Variants in GRM3 observed in about 807,000 individuals in gnomAD.
GRM3 encodes the protein glutamate metabotropic receptor 3, also known as metabotropic glutamate receptor 3.
Under a neutral mutation model 70.5 loss-of-function variants are expected in GRM3, and 26 were observed. That is an observed-to-expected ratio of 0.37 (90% CI 0.27 to 0.51). The LOEUF is 0.51. Ranked by LOEUF, GRM3 falls within the 20% of genes least tolerant of loss-of-function variation. The pLI is 0.93. For synonymous variants in GRM3, 443 were observed against 434.9 expected (o/e 1.02, Z -0.23); for missense variants, 859 against 1,123.8 (o/e 0.76, Z 3.37).
At chr7:86,735,187 T>C (rs1186235970) in intron 1 of GRM3, among the ~76,000 whole-genome samples, 1 of 152,158 alleles carries the variant, frequency 6.6e-6, no homozygotes, top group Admixed American at 6.5e-5. Flanking sequence ...GATGACAGGA[T>C]CTTCTTTGCT....
At chr7:86,754,980 T>A (rs943602213) in intron 1 of GRM3, among the ~76,000 whole-genome samples, 6 of 152,156 alleles carry the variant, frequency 3.9e-5, no homozygotes, top group African/African-American at 1.2e-4. Flanking sequence ...AGAGAGAGGA[T>A]GTTTTCCTCC....
Position 86,786,595 on chromosome 7 carries a change from A to G in GRM3, c.803A>G (p.Asn268Ser), listed in dbSNP as rs762983665. The G allele has an allele frequency of 6.8e-6, 11 of 1,613,718 alleles. No individual in the cohort carries two copies. Among genetic ancestry groups the G allele is most frequent in the South Asian group, 1.1e-5 (1 of 91,092 alleles). Reference protein sequence around the residue: ...SVIRELLQKPNARVVVLFMRS... With the variant: ...SVIRELLQKPSARVVVLFMRS... Reference sequence around the variant, plus strand: ...ATCCGAGAACTGTTGCAGAAGCCCAACGCGCGCGTCGTGGTCCTCTTCATG... The same window carrying G: ...ATCCGAGAACTGTTGCAGAAGCCCAGCGCGCGCGTCGTGGTCCTCTTCATG... Residue 268 changes from asparagine to serine, a missense_variant, in exon 3 of 6, where the codon AAC (asparagine) becomes AGC (serine). Asn to Ser is a conservative substitution (Grantham distance 46). Coordinates refer to ENST00000361669, the MANE Select transcript of GRM3 (RefSeq NM_000840.3). This position sits in a 1 kb window ranked among gnomAD's most constrained non-coding sequence, Gnocchi z 6.0.
chr7:86,807,385 T>G (rs1475230845), intron 3 of GRM3, among the ~76,000 whole-genome samples: 1 of 144,052 alleles, frequency 6.9e-6, no homozygotes, highest in African/African-American at 2.7e-5. Flanking sequence ...GAGCATGGAA[T>G]GTTCTTCCAT....
At chr7:86,766,839 A>G (rs1269560275) in intron 2 of GRM3, among the ~76,000 whole-genome samples, 3 of 152,166 alleles carry the variant, frequency 2.0e-5, no homozygotes, top group Non-Finnish European at 4.4e-5. Flanking sequence ...TTGTCTTTTT[A>G]TGTCATGAAC....
intron 1 of GRM3, among the ~76,000 whole-genome samples, chr7:86,764,297 C>G (rs951824232): frequency 6.6e-6 from 1 of 152,026 alleles, no homozygotes; most frequent in Admixed American, 6.6e-5. Context: ...AGCATGATAA[C>G]AGAAACCTAG....
At chr7:86,737,072 C>A (rs1046656152) in intron 1 of GRM3, among the ~76,000 whole-genome samples, 1 of 151,784 alleles carries the variant, frequency 6.6e-6, no homozygotes, top group Non-Finnish European at 1.5e-5. Context: ...TTGGTATGAT[C>A]GCTTTATAAA....
intron 1 of GRM3, among the ~76,000 whole-genome samples, chr7:86,705,891 T>G (rs376651528): frequency 6.6e-6 from 1 of 152,198 alleles, no homozygotes; most frequent in East Asian, 1.9e-4. Flanking sequence ...AGCAAGATTA[T>G]GCTGATGAAG....
chr7:86,758,687 G>A (rs1796406533), intron 1 of GRM3, among the ~76,000 whole-genome samples: 1 of 152,094 alleles, frequency 6.6e-6, no homozygotes, highest in African/African-American at 2.4e-5. Context: ...CCAAAGTTTA[G>A]GACAATCTGT....
intron 5 of GRM3, among the ~76,000 whole-genome samples, chr7:86,860,778 G>C (rs571517690): frequency 7.9e-5 from 12 of 152,242 alleles, no homozygotes; most frequent in African/African-American, 2.6e-4. Flanking sequence ...TGCAGACTCT[G>C]TCCTCCTTAC....
chr7:86,651,353 T>C (rs1027414176), intron 1 of GRM3, among the ~76,000 whole-genome samples: 8 of 152,166 alleles, frequency 5.3e-5, no homozygotes, highest in African/African-American at 1.7e-4. Flanking sequence ...CTTTTGATTG[T>C]TAATAATAGA....
At chr7:86,749,889 GGGA>G (rs1290187487) in intron 1 of GRM3, among the ~76,000 whole-genome samples, 5 of 151,968 alleles carry the variant, frequency 3.3e-5, no homozygotes, top group Non-Finnish European at 5.9e-5. Context: ...GTCAAAAACT[GGGA>G]ATCAGATAAT....
At chr7:86,760,552 G>C (rs945778561) in intron 1 of GRM3, among the ~76,000 whole-genome samples, 10 of 152,168 alleles carry the variant, frequency 6.6e-5, no homozygotes, top group African/African-American at 2.4e-4. Context: ...AAAAGAACCG[G>C]AAAAGAGGTG....
At chr7:86,665,301 T>G (rs974151131) in intron 1 of GRM3, among the ~76,000 whole-genome samples, 2 of 152,036 alleles carry the variant, frequency 1.3e-5, no homozygotes, top group African/African-American at 4.8e-5. Context: ...TTCTCCAGAC[T>G]TCAATATACT....
At chr7:86,718,605 A>G (rs1795378848) in intron 1 of GRM3, among the ~76,000 whole-genome samples, 1 of 151,986 alleles carries the variant, frequency 6.6e-6, no homozygotes, top group Non-Finnish European at 1.5e-5. Context: ...TTGTTTCAAC[A>G]TTCTCTCACA....
intron 3 of GRM3, among the ~76,000 whole-genome samples, chr7:86,826,075 A>C (rs1480607975): frequency 6.6e-6 from 1 of 152,194 alleles, no homozygotes; most frequent in African/African-American, 2.4e-5. Flanking sequence ...GCCCCTTTTT[A>C]AGACATTTTA....
At chr7:86,701,814 A>G (rs1444300327) in intron 1 of GRM3, among the ~76,000 whole-genome samples, 1 of 151,986 alleles carries the variant, frequency 6.6e-6, no homozygotes, top group Non-Finnish European at 1.5e-5. Flanking sequence ...CTGAATTTGC[A>G]AGTATCATTC....
intron 1 of GRM3, among the ~76,000 whole-genome samples, chr7:86,735,035 C>G (rs1212586685): frequency 3.3e-5 from 5 of 152,126 alleles, no homozygotes; most frequent in Non-Finnish European, 1.5e-5. Context: ...ATAAATGGAG[C>G]AAGGAGAATA....
intron 1 of GRM3, among the ~76,000 whole-genome samples, chr7:86,713,786 T>A (rs1273602291): frequency 6.6e-6 from 1 of 151,984 alleles, no homozygotes; most frequent in Non-Finnish European, 1.5e-5. Flanking sequence ...GTCCAGATAT[T>A]GAATTATTGA....
chr7:86,713,262 C>T (rs1421583529), intron 1 of GRM3, among the ~76,000 whole-genome samples: 1 of 151,880 alleles, frequency 6.6e-6, no homozygotes, highest in African/African-American at 2.4e-5. Flanking sequence ...ACCTGTTAGC[C>T]TTTTGTATGT....
Sources: gnomAD v4.1 joint callset for allele counts (sites outside exome capture counted in the v4.1 genomes callset) on GRCh38, gnomAD v4.1.1 for gene constraint, Gnocchi (gnomAD v3.1) non-coding constraint, MANE v1.5 for transcripts, NCBI Gene and HGNC (gene_info 2026-07-23, HGNC 2026-07-21) for gene names.